The following MTOR variants were observed in gnomAD, a reference collection of about 807,000 sequenced individuals.
The protein encoded by MTOR is serine/threonine-protein kinase mTOR.
In MTOR, 70 loss-of-function variants were observed where a neutral mutation model predicts 319.8. The ratio of observed to expected loss-of-function variants is 0.22; its 90% CI spans 0.18 to 0.27. The LOEUF (loss-of-function observed/expected upper bound fraction) is 0.27. Ranked by LOEUF, MTOR falls within the 10% of genes least tolerant of loss-of-function variation. The pLI, the probability that MTOR is intolerant of heterozygous loss-of-function variation, is 1.00. For missense variants in MTOR, 1,890 were observed against 3,274.4 expected (o/e 0.58, Z 10.32); for synonymous variants, 1,183 against 1,211.4 (o/e 0.98, Z 0.49).
At position 11,127,248 on chromosome 1, in the gene MTOR, G is replaced by A. The variant is rs1293263740; in HGVS notation, c.6217-104C>T. On this transcript the variant is annotated intron_variant, in intron 44 of 57. Coordinates refer to ENST00000361445, the MANE Select transcript of MTOR (RefSeq NM_004958.4). The surrounding 1 kb of genome is among the most constrained non-coding windows in gnomAD (Gnocchi z 5.5). The stretch of plus-strand genomic sequence containing the variant: ...AGATATTCCTCAGGAGCCCGCTGTG[G>A]CCTGAAAACACTGGCAGGGGGCTGG... 1 of 1,494,168 alleles carries A rather than the reference G, an allele frequency of 6.7e-7. No individual in the cohort carries two copies. The highest frequency in any genetic ancestry group is 9.1e-7 in the Non-Finnish European group (1 of 1,103,516). 92.6% of individuals were successfully genotyped at this position (1,494,168 alleles called of 1,614,324 possible).
chr1:11,171,024 G>A (rs1175123788), intron 28 of MTOR, among the ~76,000 whole-genome samples: 1 of 150,962 alleles, frequency 6.6e-6, no homozygotes, highest in Non-Finnish European at 1.5e-5. Context: ...GTGAAACCCC[G>A]TCTCTACTAA....
At chr1:11,168,409 CA>C (rs1004269279) in intron 28 of MTOR, among the ~76,000 whole-genome samples, 1 of 152,082 alleles carries the variant, frequency 6.6e-6, no homozygotes. Context: ...CAAAATTAAT[CA>C]AAACCATCAG....
At chr1:11,137,983 T>A (rs911606620) in intron 36 of MTOR, among the ~76,000 whole-genome samples, 1 of 152,318 alleles carries the variant, frequency 6.6e-6, no homozygotes, top group East Asian at 1.9e-4. Flanking sequence ...ACATCTCTAG[T>A]TCTGGGCTTG....
intron 8 of MTOR, among the ~76,000 whole-genome samples, chr1:11,244,183 T>C (rs1386359735): frequency 6.7e-6 from 1 of 149,680 alleles, no homozygotes; most frequent in Admixed American, 6.7e-5. Flanking sequence ...TCCTAGCTAC[T>C]CAGGAGACTG....
At chr1:11,261,386 G>A (rs984529235) in intron 1 of MTOR, among the ~76,000 whole-genome samples, 12 of 151,714 alleles carry the variant, frequency 7.9e-5, no homozygotes, top group African/African-American at 2.9e-4. Flanking sequence ...GCAGGAGAAT[G>A]GCGGGAACCC....
At chr1:11,179,841 T>C (rs899794203) in intron 28 of MTOR, among the ~76,000 whole-genome samples, 2 of 152,260 alleles carry the variant, frequency 1.3e-5, no homozygotes, top group Non-Finnish European at 2.9e-5. Context: ...GGAGCTTTTC[T>C]ACAAAGGACA....
intron 12 of MTOR, 81 bp downstream of exon 12, chr1:11,238,321 G>C: frequency 7.1e-7 from 1 of 1,401,802 alleles, no homozygotes; most frequent in Non-Finnish European, 1.0e-6. Flanking sequence ...ACTCTAGAGA[G>C]GCCATGTAAT....
At chr1:11,226,902 T>A (rs967773364) in intron 19 of MTOR, among the ~76,000 whole-genome samples, 1 of 152,002 alleles carries the variant, frequency 6.6e-6, no homozygotes, top group African/African-American at 2.4e-5. Flanking sequence ...CTTCCTTTTT[T>A]AATTTTTCTT....
At chr1:11,205,404 T>C (rs145140862) in intron 25 of MTOR, among the ~76,000 whole-genome samples, 72 of 152,334 alleles carry the variant, frequency 4.7e-4, no homozygotes, top group African/African-American at 1.7e-3. Context: ...CTCTGATCTT[T>C]GGCAAGTCAC....
chr1:11,154,302 G>A (rs1175091575), intron 30 of MTOR, among the ~76,000 whole-genome samples: 4 of 151,650 alleles, frequency 2.6e-5, no homozygotes, highest in African/African-American at 9.7e-5. Flanking sequence ...TTGTTGCCCA[G>A]GCTAGTGTCA....
intron 15 of MTOR, chr1:11,232,894 A>G (rs574348999): frequency 1.7e-6 from 1 of 573,300 alleles, no homozygotes; most frequent in Admixed American, 2.8e-5. Flanking sequence ...AAAATAAAAA[A>G]TTTTTTTTAA....
chr1:11,150,918 T>A (rs962108376), intron 30 of MTOR, among the ~76,000 whole-genome samples: 6 of 152,148 alleles, frequency 3.9e-5, no homozygotes, highest in African/African-American at 1.4e-4. Flanking sequence ...TGAAAAAAAA[T>A]AAACTCGGCT....
intron 20 of MTOR, among the ~76,000 whole-genome samples, chr1:11,215,469 A>T (rs1252276353): frequency 6.6e-6 from 1 of 152,228 alleles, no homozygotes; most frequent in Admixed American, 6.5e-5. Flanking sequence ...ATTTTAGTCC[A>T]AACTAACTAC....
At position 11,115,834 on chromosome 1, in the gene MTOR, G is replaced by T. The variant is rs1642136425; in HGVS notation, c.7017-366C>A. Among the ~76,000 whole-genome samples the T allele has an allele frequency of 6.6e-6, 1 of 152,174 alleles. No homozygotes were observed. Among genetic ancestry groups the T allele is most frequent in the Non-Finnish European group, 1.5e-5 (1 of 68,030 alleles). On this transcript the variant is annotated intron_variant, in intron 50 of 57. Coordinates refer to ENST00000361445, the MANE Select transcript of MTOR (RefSeq NM_004958.4). This position sits in a 1 kb window ranked among gnomAD's most constrained non-coding sequence, Gnocchi z 4.5. ...TTGTCCCACTGTACTGAGATACTGT[G>T]CTTTTCTGAGGTCTTTGGTGACCTA...
intron 28 of MTOR, among the ~76,000 whole-genome samples, chr1:11,186,248 G>A (rs1242386050): frequency 6.6e-6 from 1 of 152,134 alleles, no homozygotes; most frequent in Non-Finnish European, 1.5e-5. Context: ...TCCACAAGCT[G>A]AGAGTGGGCA....
In MTOR at chr1:11,248,039, T is replaced by C; in HGVS notation, c.896A>G (p.Tyr299Cys). Residue 299 changes from tyrosine to cysteine, a missense_variant, in exon 7 of 58, where the codon TAC becomes TGC. Around this residue, in one of 15 missense-constraint regions of MTOR, gnomAD observed 418 missense variants for 543.1 expected, o/e 0.77. Transcript: ENST00000361445. ...TCCGAAGCCCATGAGATCTTTGCAGTACTTGTCGTGTACCAGCTGCTGCTG... is the reference window on the plus strand; with the variant it reads ...TCCGAAGCCCATGAGATCTTTGCAGCACTTGTCGTGTACCAGCTGCTGCTG... Reference protein sequence around the residue: ...ITQQQLVHDKYCKDLMGFGTK... With the variant: ...ITQQQLVHDKCCKDLMGFGTK... 2 of 1,614,084 alleles carry C rather than the reference T, an allele frequency of 1.2e-6. No homozygotes were observed. The highest frequency in any genetic ancestry group is 1.7e-6 in the Non-Finnish European group (2 of 1,179,972).
In MTOR at chr1:11,134,769, G is replaced by A. The variant is rs77228956; in HGVS notation, c.5131-303C>T. On this transcript the variant is annotated intron_variant, in intron 36 of 57. Transcript: ENST00000361445. ...TACCCCAAATAAAAATTCCTACAAA[G>A]TAATTTGAAACAACTGCTTACTTCA... Among the ~76,000 whole-genome samples the A allele has an allele frequency of 0.03, 4,548 of 152,286 alleles. 176 individuals are homozygous for A. Among genetic ancestry groups the A allele is most frequent in the Admixed American group, 0.071 (1,087 of 15,300 alleles).
At chr1:11,215,206 C>A (rs572139231) in intron 20 of MTOR, among the ~76,000 whole-genome samples, 25 of 152,268 alleles carry the variant, frequency 1.6e-4, no homozygotes, top group African/African-American at 5.8e-4. Flanking sequence ...TTACTTCATC[C>A]TCCTCCCATG....
Position 11,139,358 on chromosome 1 carries a change from A to G in MTOR, c.5076T>C (p.Val1692=). Residue 1692 remains valine (V), a synonymous_variant, in exon 36 of 58, where the codon GTT becomes GTC. Transcript: ENST00000361445. ...TGTAGGCATAGGTCACCTGAGGGTG[A>G]ACTGTTGGCAGAGGATGGTCAAGTT... ...SRQLDHPLPT[V]HPQVTYAYMK... is the part of the protein sequence containing the mutation. 6.2e-7 allele frequency: 1 copy of G among 1,613,406 alleles called. No homozygotes were observed. The highest frequency in any genetic ancestry group is 8.5e-7 in the Non-Finnish European group (1 of 1,179,844).
Sources: allele counts gnomAD v4.1 joint callset (sites outside exome capture counted in the v4.1 genomes callset), GRCh38; gene constraint gnomAD v4.1.1; regional missense constraint gnomAD v4.1.1; non-coding constraint Gnocchi (gnomAD v3.1); transcripts MANE v1.5; gene names NCBI Gene and HGNC (gene_info 2026-07-23, HGNC 2026-07-21).